Variants in TTN observed in about 807,000 individuals in gnomAD.
The protein encoded by TTN is connectin.
In TTN, 1,525 loss-of-function variants were observed where a neutral mutation model predicts 3,223.0. That is an observed-to-expected ratio of 0.47 (90% CI 0.45 to 0.49). TTN has a LOEUF of 0.49. Ranked by LOEUF, TTN falls within the 20% of genes least tolerant of loss-of-function variation. The probability of loss-of-function intolerance (pLI) is 0.00; values close to 1 mark genes in which losing one functional copy is unlikely to be tolerated. For synonymous variants in TTN, 14,094 were observed against 15,161.0 expected (o/e 0.93, Z 5.17); for missense variants, 40,786 against 43,424.0 (o/e 0.94, Z 5.40).
Position 178,548,325 on chromosome 2 carries a change from G to T in TTN, c.93301C>A (p.Pro31101Thr). ...SAVNEYGVGE[P>T]YEMPEPIVAT... The stretch of plus-strand genomic sequence containing the variant: ...ACAATTGGTTCTGGCATTTCATAGG[G>T]CTCACCAACACCATACTCATTTACT... The change falls in exon 339 of 363, where the codon CCC becomes ACC. Residue 31101 changes from proline to threonine, a missense_variant. Physicochemically the swap from Pro to Thr is conservative, Grantham distance 38. Transcript: ENST00000589042. This position sits in a 1 kb window ranked among gnomAD's most constrained non-coding sequence, Gnocchi z 4.3. 3 of 1,613,826 alleles carry T rather than the reference G, an allele frequency of 1.9e-6. No individual in the cohort carries two copies. The highest frequency in any genetic ancestry group is 1.7e-6 in the Non-Finnish European group (2 of 1,179,824).
In TTN at chr2:178,554,592, A is replaced by G. The variant is rs1424674055; in HGVS notation, c.88755T>C (p.Ser29585=). The change falls in exon 332 of 363, where the codon TCT becomes TCC. Residue 29585 remains serine, a synonymous_variant. Coordinates refer to ENST00000589042, the MANE Select transcript of TTN (RefSeq NM_001267550.2). ...TAATGATGCACTCTTCCAAATGTTC[A>G]GACACCATAGACCACACAACGCGGC... ...ETSRVVWSMV[S]EHLEECIITT... 1.2e-6 allele frequency: 2 copies of G among 1,613,774 alleles called. No individual in the cohort carries two copies. The highest frequency in any genetic ancestry group is 2.7e-5 in the African/African-American group (2 of 74,900).
intron 20 of TTN, among the ~76,000 whole-genome samples, 189 bp downstream of exon 20, chr2:178,782,023 T>C (rs1561353939): frequency 6.6e-6 from 1 of 152,138 alleles, no homozygotes; most frequent in Non-Finnish European, 1.5e-5. Context: ...CATCCACTTT[T>C]GTCACATAGC....
chr2:178,585,211 G>T lies in TTN; in HGVS notation c.64533C>A (p.Ser21511Arg). The change falls in exon 309 of 363, where the codon AGC becomes AGA. Residue 21511 changes from serine (S) to arginine (R), a missense_variant. Transcript: ENST00000589042. ...KKGEDEVVTS[S>R]HLAVHKADSS... ...TGTCTGCTTTATGCACTGCCAGGTG[G>T]CTGGATGTGACAACTTCATCTTCTC... is the stretch of plus-strand genomic sequence containing the variant. The T allele has an allele frequency of 6.2e-7, 1 of 1,613,348 alleles. No individual in the cohort carries two copies. Among genetic ancestry groups the T allele is most frequent in the Non-Finnish European group, 8.5e-7 (1 of 1,179,470 alleles).
Position 178,647,052 on chromosome 2 carries a change from A to ATATC in TTN, c.40222+11_40222+12insGATA. ...AGATTAAAAAAATGTATATATATAT[A>ATATC]TATATATATACCTTCAACAGGGGGA... On this transcript the variant is annotated intron_variant, in intron 215 of 362. Coordinates refer to ENST00000589042, the MANE Select transcript of TTN (RefSeq NM_001267550.2). 1 of 900,736 alleles carries ATATC rather than the reference A, an allele frequency of 1.1e-6. No homozygotes were observed. Among genetic ancestry groups the ATATC allele is most frequent in the Non-Finnish European group, 1.5e-6 (1 of 668,440 alleles). 55.8% of individuals were successfully genotyped at this position (900,736 alleles called of 1,614,324 possible).
Position 178,773,353 on chromosome 2 carries a change from T to A in TTN, c.7611A>T (p.Arg2537Ser). 6.2e-7 allele frequency: 1 copy of A among 1,614,032 alleles called. No homozygotes were observed. The highest frequency in any genetic ancestry group is 8.5e-7 in the Non-Finnish European group (1 of 1,179,990). Residue 2537 changes from arginine to serine, a missense_variant, in exon 33 of 363, where the codon AGA (arginine) becomes AGT (serine). Physicochemically the swap from Arg to Ser is moderately radical, Grantham distance 110. Coordinates refer to ENST00000589042, the MANE Select transcript of TTN (RefSeq NM_001267550.2). ...NLSVEKIKIIRGLRDLTCTET... is the reference protein window; with the variant it reads ...NLSVEKIKIISGLRDLTCTET... ...CTGTACAGGTAAGGTCACGAAGACCTCTGATAATTTTAATTTCTGGGGAAA... is the reference window on the plus strand; with the variant it reads ...CTGTACAGGTAAGGTCACGAAGACCACTGATAATTTTAATTTCTGGGGAAA...
intron 111 of TTN, among the ~76,000 whole-genome samples, chr2:178,699,859 C>A (rs2074629708): frequency 6.7e-6 from 1 of 150,014 alleles, no homozygotes; most frequent in African/African-American, 2.5e-5. Flanking sequence ...CTCTGAGTAG[C>A]TGGGACTACA....
chr2:178,765,107 G>A (rs2090129667), intron 41 of TTN, among the ~76,000 whole-genome samples: 1 of 152,174 alleles, frequency 6.6e-6, no homozygotes, highest in South Asian at 2.1e-4. Context: ...TTGTGGTGGG[G>A]GCTTAGCGAT....
At position 178,574,876 on chromosome 2, in the gene TTN, C is replaced by T; in HGVS notation, c.71256G>A (p.Glu23752=). 6.2e-7 allele frequency: 1 copy of T among 1,612,960 alleles called. No individual in the cohort carries two copies. The highest frequency in any genetic ancestry group is 8.5e-7 in the Non-Finnish European group (1 of 1,179,490). ...DFVTFSWDPP[E]NDGGVPISNY... is the part of the protein sequence containing the mutation. Reference sequence around the variant, plus strand: ...TGCTTATTGGTACACCACCATCGTTCTCAGGTGGGTCCCAAGAGAAGGTTA... The same window carrying T: ...TGCTTATTGGTACACCACCATCGTTTTCAGGTGGGTCCCAAGAGAAGGTTA... The change falls in exon 326 of 363, where the codon GAG becomes GAA. Residue 23752 remains glutamate (E), a synonymous_variant. Transcript: ENST00000589042.
rs779492952 is a variant in TTN at position 178,731,547 on chromosome 2, C to G, written c.17219G>C (p.Ser5740Thr). The change falls in exon 59 of 363, where the codon AGC becomes ACC. Residue 5740 changes from serine (S) to threonine (T), a missense_variant. Ser to Thr is a moderately conservative substitution (Grantham distance 58). Transcript: ENST00000589042. ...GGCAGCTGTGCCTCCCCGGAGGGAG[C>G]TGGTACTCTCGATCTTCTTTATGAA... ...PSFIKKIEST[S>T]SLRGGTAAFQ... The G allele has an allele frequency of 2.5e-6, 4 of 1,610,536 alleles. No homozygotes were observed. Among genetic ancestry groups the G allele is most frequent in the Non-Finnish European group, 3.4e-6 (4 of 1,177,886 alleles).
intron 113 of TTN, among the ~76,000 whole-genome samples, chr2:178,696,787 A>AT (rs2073807270): frequency 6.6e-6 from 1 of 152,054 alleles, no homozygotes; most frequent in Non-Finnish European, 1.5e-5. Flanking sequence ...TAGATAACAG[A>AT]TTTTTAAAGT....
At chr2:178,744,902 C>A in intron 47 of TTN, 2 of 985,040 alleles carry the variant, frequency 2.0e-6, no homozygotes, top group Non-Finnish European at 2.4e-6. Flanking sequence ...GTGAACCCTG[C>A]CCACAAAGAG....
rs2080407715 is a variant in TTN at position 178,731,151 on chromosome 2, G to A, written c.17514C>T (p.Asp5838=). The change falls in exon 60 of 363, where the codon GAC becomes GAT. Residue 5838 remains aspartate, a synonymous_variant. Coordinates refer to ENST00000589042, the MANE Select transcript of TTN (RefSeq NM_001267550.2). ...AAAATTTAACCTGCAAAGTGGCTGGGTCTCCTTGGGTGACATCTATAGACA... is the reference window on the plus strand; with the variant it reads ...AAAATTTAACCTGCAAAGTGGCTGGATCTCCTTGGGTGACATCTATAGACA... ...EAVSIDVTQG[D]PATLQVKFSG... is the part of the protein sequence containing the mutation. 1.9e-6 allele frequency: 3 copies of A among 1,613,500 alleles called. No individual in the cohort carries two copies. Among genetic ancestry groups the A allele is most frequent in the Non-Finnish European group, 2.5e-6 (3 of 1,179,712 alleles).
At chr2:178,672,555 C>T (rs2067193683) in intron 153 of TTN, 74 bp from the exon 154 acceptor site, 2 of 1,600,514 alleles carry the variant, frequency 1.2e-6, no homozygotes, top group Non-Finnish European at 1.7e-6. Context: ...CAAAAACAAT[C>T]AAGACACAGA....
At chr2:178,738,022 G>A in intron 49 of TTN, 60 bp downstream of exon 49, 11 of 1,567,948 alleles carry the variant, frequency 7.0e-6, no homozygotes, top group East Asian at 4.5e-5. Flanking sequence ...TGTACAGAAA[G>A]CAAAAAGGAC....
intron 308 of TTN, among the ~76,000 whole-genome samples, chr2:178,585,940 C>T (rs1411324626): frequency 6.6e-6 from 1 of 152,030 alleles, no homozygotes; most frequent in Non-Finnish European, 1.5e-5. Flanking sequence ...GATTTATAAT[C>T]CTTTGGGTAT....
intron 217 of TTN, 132 bp downstream of exon 217, chr2:178,645,788 G>C: frequency 1.9e-6 from 1 of 525,178 alleles, no homozygotes; most frequent in Admixed American, 4.3e-5. Flanking sequence ...ACAGCTCTAT[G>C]CAATCTCACA....
chr2:178,563,848 G>C lies in TTN; in HGVS notation c.82284C>G (p.Asn27428Lys), dbSNP rs749118760. ...TQVSTEVQALNYKVTKLLPGN... is the reference protein window; with the variant it reads ...TQVSTEVQALKYKVTKLLPGN... ...CAGGAAGAAGTTTAGTAACTTTGTAGTTAAGGGCCTGTACCTCAGTTGAAA... is the reference window on the plus strand; with the variant it reads ...CAGGAAGAAGTTTAGTAACTTTGTACTTAAGGGCCTGTACCTCAGTTGAAA... The change falls in exon 326 of 363, where the codon AAC becomes AAG. Residue 27428 changes from asparagine (N) to lysine (K), a missense_variant. Asn to Lys is a moderately conservative substitution (Grantham distance 94, BLOSUM62 0). Transcript: ENST00000589042. This position sits in a 1 kb window ranked among gnomAD's most constrained non-coding sequence, Gnocchi z 4.5. The C allele has an allele frequency of 1.9e-6, 3 of 1,613,728 alleles. No individual in the cohort carries two copies. Among genetic ancestry groups the C allele is most frequent in the South Asian group, 2.2e-5 (2 of 91,080 alleles).
At chr2:178,760,285 A>G (rs1432313529) in intron 43 of TTN, among the ~76,000 whole-genome samples, 1 of 152,182 alleles carries the variant, frequency 6.6e-6, no homozygotes, top group Non-Finnish European at 1.5e-5. Context: ...TAATCCCAGC[A>G]CTTTGGGAGG....
chr2:178,536,952 A>G lies in TTN; in HGVS notation c.100157T>C (p.Ile33386Thr). 2.5e-6 allele frequency: 4 copies of G among 1,608,880 alleles called. No homozygotes were observed. Among genetic ancestry groups the G allele is most frequent in the Admixed American group, 1.7e-5 (1 of 59,794 alleles). The change falls in exon 356 of 363, where the codon ATT (isoleucine) becomes ACT (threonine). Residue 33386 changes from isoleucine to threonine, a missense_variant. By Grantham distance (89) the Ile-to-Thr change is moderately conservative (BLOSUM62 -1). Coordinates refer to ENST00000589042, the MANE Select transcript of TTN (RefSeq NM_001267550.2). Reference sequence around the variant, plus strand: ...GTTGTACTCACCAAATGGACTCTTAATGATCACAACTGAGGACACTTCTAG... The same window carrying G: ...GTTGTACTCACCAAATGGACTCTTAGTGATCACAACTGAGGACACTTCTAG... ...DPLEVSSVVI[I>T]KSPFEKPGAP...
Sources: allele counts gnomAD v4.1 joint callset (sites outside exome capture counted in the v4.1 genomes callset), GRCh38; gene constraint gnomAD v4.1.1; non-coding constraint Gnocchi (gnomAD v3.1); transcripts MANE v1.5; gene names NCBI Gene and HGNC (gene_info 2026-07-23, HGNC 2026-07-21).